GCA: variants seen among roughly 807,000 people sequenced by gnomAD.
GCA encodes grancalcin.
A neutral mutation model predicts 32.6 loss-of-function variants in GCA; 30 were observed. That is an observed-to-expected ratio of 0.92 (90% confidence interval 0.69 to 1.25). The LOEUF (loss-of-function observed/expected upper bound fraction) is 1.25, where lower values mean the gene tolerates loss of function less well. Among genes scored for constraint, GCA ranks in the 50% most tolerant of loss-of-function variants. GCA has a pLI of 0.00. For synonymous variants in GCA, 102 were observed against 84.6 expected, an observed-to-expected ratio of 1.21 and a Z score of -1.13; for missense variants, 291 against 266.8, an observed-to-expected ratio of 1.09 and a Z score of -0.63.
intron 4 of GCA, among the ~76,000 whole-genome samples, chr2:162,370,449 T>A (rs1685892708): frequency 6.6e-6 from 1 of 152,156 alleles, no homozygotes; most frequent in African/African-American, 2.4e-5. Context: ...ATGAGATACA[T>A]ATGTCCCCCA....
chr2:162,323,943 A>C (rs558425438), intron 1 of GCA, among the ~76,000 whole-genome samples: 14 of 151,966 alleles, frequency 9.2e-5, no homozygotes, highest in Non-Finnish European at 1.9e-4. Flanking sequence ...CAATTCTGTG[A>C]AGAAAGTCAT....
In GCA at chr2:162,323,046, T is replaced by A. The variant is rs1183932253; in HGVS notation, c.-31+3821T>A. Among the ~76,000 whole-genome samples the A allele has an allele frequency of 2.0e-5, 3 of 151,886 alleles. 1 individual carries two copies. Among genetic ancestry groups the A allele is most frequent in the African/African-American group, 4.9e-5 (2 of 41,138 alleles). On this transcript the variant is annotated intron_variant, in intron 1 of 4. Transcript: ENST00000429691. ...CCAACAGTGCAAAAGTGTTCCTATT[T>A]CTCCACATCCTCTCCATCACCTGTT...
At chr2:162,335,346 TG>T (rs1257305351) in intron 1 of GCA, among the ~76,000 whole-genome samples, 1 of 143,022 alleles carries the variant, frequency 7.0e-6, no homozygotes, top group Non-Finnish European at 1.5e-5. Context: ...ACCCAGGAGG[TG>T]AAGGTTGCAG....
At position 162,360,705 on chromosome 2, in the gene GCA, C is replaced by T; in HGVS notation, c.*462C>T. ...TAGAAATGAAAGCCTGGATTTTGTG[C>T]CATGTTTGTAATATAGTTTGTTCCT... On this transcript the variant is annotated 3_prime_UTR_variant, in exon 8 of 8. Coordinates refer to ENST00000437150, the MANE Select transcript of GCA (RefSeq NM_012198.5). 1 of 1,357,218 alleles carries T rather than the reference C, an allele frequency of 7.4e-7. No homozygotes were observed. Among genetic ancestry groups the T allele is most frequent in the Non-Finnish European group, 9.5e-7 (1 of 1,057,702 alleles). The allele number at this position is 1,357,218 out of a possible 1,614,324, so 84.1% of individuals were successfully genotyped here. A position where few individuals can be genotyped will look rare whatever the true frequency, so the allele number is the denominator to read the frequency against.
Position 162,361,196 on chromosome 2 carries a change from T to A in GCA, c.*953T>A, listed in dbSNP as rs1045576857. 1.5e-5 allele frequency: 15 copies of A among 984,954 alleles called. No homozygotes were observed. The highest frequency in any genetic ancestry group is 1.7e-5 in the Non-Finnish European group (14 of 829,716). 61.0% of individuals were successfully genotyped at this position (984,954 alleles called of 1,614,324 possible). On this transcript the variant is annotated 3_prime_UTR_variant, in exon 8 of 8. Coordinates refer to ENST00000437150, the MANE Select transcript of GCA (RefSeq NM_012198.5). Reference sequence around the variant, plus strand: ...GGTGGCTTTGCCATTAAAAACCCAGTAAGTATTTTGAGTGCATCTATGTGA... The same window carrying A: ...GGTGGCTTTGCCATTAAAAACCCAGAAAGTATTTTGAGTGCATCTATGTGA...
intron 2 of GCA, 29 bp downstream of exon 2, chr2:162,347,771 T>C: frequency 1.5e-6 from 2 of 1,350,176 alleles, no homozygotes; most frequent in Non-Finnish European, 1.0e-6. Context: ...TGCATAAATA[T>C]GTCTTTAAAA....
intron 4 of GCA, among the ~76,000 whole-genome samples, chr2:162,370,499 A>C: frequency 6.6e-6 from 1 of 152,284 alleles, no homozygotes; most frequent in East Asian, 1.9e-4. Context: ...ATTGAAAGAT[A>C]TATTTCATTG....
chr2:162,352,319 CAT>C lies in GCA; in HGVS notation c.193-17_193-16del, dbSNP rs1336534699. The stretch of plus-strand genomic sequence containing the variant: ...TATACAACTGCACATTAAATTAGGT[CAT>C]AATTATTTTTAAACAGGATGGTGAA... On this transcript the variant is annotated splice_polypyrimidine_tract_variant and intron_variant, in intron 2 of 7. Coordinates refer to ENST00000437150, the MANE Select transcript of GCA (RefSeq NM_012198.5). 6.9e-7 allele frequency: 1 copy of C among 1,449,330 alleles called. No individual in the cohort carries two copies. Among genetic ancestry groups the C allele is most frequent in the African/African-American group, 1.4e-5 (1 of 71,648 alleles). 89.8% of individuals were successfully genotyped at this position (1,449,330 alleles called of 1,614,324 possible).
upstream of GCA, among the ~76,000 whole-genome samples, chr2:162,343,331 TA>T (rs141813579): frequency 0.02 from 3,082 of 152,328 alleles, 116 homozygotes; most frequent in African/African-American, 0.071. Flanking sequence ...TGCTATTACT[TA>T]ATAAGCCAAA....
At chr2:162,349,345 T>C (rs1684869333) in intron 2 of GCA, among the ~76,000 whole-genome samples, 2 of 152,116 alleles carry the variant, frequency 1.3e-5, no homozygotes, top group African/African-American at 4.8e-5. Context: ...TTGATGTTTA[T>C]CTCCTGTTGT....
chr2:162,329,083 T>C (rs963907571), intron 1 of GCA, among the ~76,000 whole-genome samples: 4 of 152,110 alleles, frequency 2.6e-5, no homozygotes, highest in African/African-American at 9.7e-5. Context: ...TCCTTCTATG[T>C]CTGCCTGCTA....
At chr2:162,326,291 A>G (rs1364777846) in intron 1 of GCA, among the ~76,000 whole-genome samples, 2 of 152,166 alleles carry the variant, frequency 1.3e-5, no homozygotes, top group African/African-American at 4.8e-5. Flanking sequence ...ATTGAAATGA[A>G]TGGTCCCTTC....
intron 4 of GCA, among the ~76,000 whole-genome samples, chr2:162,370,922 C>A (rs907549629): frequency 2.0e-5 from 3 of 151,996 alleles, no homozygotes; most frequent in Non-Finnish European, 4.4e-5. Flanking sequence ...AATTACCACA[C>A]CCTGCTAATT....
upstream of GCA, among the ~76,000 whole-genome samples, chr2:162,343,008 G>A (rs1438533740): frequency 6.6e-6 from 1 of 152,176 alleles, no homozygotes; most frequent in South Asian, 2.1e-4. Context: ...CTAGGACATC[G>A]GCAATCTTCC....
At chr2:162,327,947 G>A (rs568148250) in intron 1 of GCA, among the ~76,000 whole-genome samples, 5 of 152,350 alleles carry the variant, frequency 3.3e-5, no homozygotes, top group Non-Finnish European at 5.9e-5. Flanking sequence ...AGGGGACCGC[G>A]TGCTGGCAGT....
chr2:162,341,270 TATATA>T (rs1558890184), upstream of GCA, among the ~76,000 whole-genome samples: 11 of 80,916 alleles, frequency 1.4e-4, no homozygotes, highest in African/African-American at 5.9e-4. Context: ...ATTTATTTTA[TATATA>T]TATATATATA....
At chr2:162,323,955 G>T (rs1015196243) in intron 1 of GCA, among the ~76,000 whole-genome samples, 2 of 152,082 alleles carry the variant, frequency 1.3e-5, no homozygotes, top group Non-Finnish European at 2.9e-5. Flanking sequence ...GAAAGTCATT[G>T]GTAGCTTGAT....
chr2:162,344,097 A>C, upstream of GCA: 1 of 754,766 alleles, frequency 1.3e-6, no homozygotes, highest in Non-Finnish European at 2.3e-6. Context: ...TGGCCTGCGG[A>C]AGGGGGCGGG....
At chr2:162,333,075 T>TTA (rs1684152713) in intron 1 of GCA, among the ~76,000 whole-genome samples, 1 of 152,120 alleles carries the variant, frequency 6.6e-6, no homozygotes, top group Admixed American at 6.5e-5. Flanking sequence ...TGCCTCATAT[T>TTA]TATATACACC....
Sources: gnomAD v4.1 joint callset for allele counts (sites outside exome capture counted in the v4.1 genomes callset) on GRCh38, gnomAD v4.1.1 for gene constraint, MANE v1.5 for transcripts, NCBI Gene and HGNC (gene_info 2026-07-23, HGNC 2026-07-21) for gene names.